Variants in A2ML1 observed in about 807,000 individuals in gnomAD.
A2ML1 encodes the protein alpha-2-macroglobulin like 1, also known as alpha-2-macroglobulin-like protein 1.
A2ML1 carries 161 observed loss-of-function variants against 181.9 expected under a neutral mutation model. The observed-to-expected ratio is 0.89, with a 90% CI of 0.78 to 1.01. A2ML1 has a LOEUF of 1.01. Ranked by LOEUF, A2ML1 falls within the 50% of genes least tolerant of loss-of-function variation. The pLI, the probability that A2ML1 is intolerant of heterozygous loss-of-function variation, is 0.00. For missense variants in A2ML1, 1,670 were observed against 1,768.1 expected, an observed-to-expected ratio of 0.94 and a Z score of 1.00; for synonymous variants, 663 against 666.8, an observed-to-expected ratio of 0.99 and a Z score of 0.09.
intron 23 of A2ML1, 146 bp downstream of exon 23, chr12:8,855,738 G>A: frequency 8.5e-6 from 6 of 704,538 alleles, no homozygotes; most frequent in Non-Finnish European, 1.4e-5. Context: ...TATATAGGAG[G>A]GAAATACAGT....
chr12:8,832,717 C>A (rs951924527), intron 4 of A2ML1, among the ~76,000 whole-genome samples: 3 of 152,136 alleles, frequency 2.0e-5, no homozygotes, highest in Admixed American at 2.0e-4. Flanking sequence ...CTTCTTCCTG[C>A]TGAGAGGGGG....
chr12:8,829,814 A>C, intron 4 of A2ML1, 35 bp downstream of exon 4: 1 of 1,612,898 alleles, frequency 6.2e-7, no homozygotes, highest in Non-Finnish European at 8.5e-7. Context: ...TGGCGCAGGG[A>C]GAACAGGGAA....
In A2ML1 at chr12:8,838,470, G is replaced by T; in HGVS notation, c.970+20G>T. 6.3e-7 allele frequency: 1 copy of T among 1,588,304 alleles called. No individual in the cohort carries two copies. Among genetic ancestry groups the T allele is most frequent in the Non-Finnish European group, 8.6e-7 (1 of 1,161,328 alleles). ...GGACAGGTAAGTAGGGTGCTCCTTG[G>T]CTCATTAAGAAAAGAGAAAGAAAAA... On this transcript the variant is annotated intron_variant, in intron 9 of 35. Coordinates refer to ENST00000299698, the MANE Select transcript of A2ML1 (RefSeq NM_144670.6).
chr12:8,886,379 G>A (rs1016951403), intron 7 of A2ML1: 49 of 152,066 alleles, frequency 3.2e-4, no homozygotes, highest in Admixed American at 2.2e-3. Context: ...TAATTCCTAG[G>A]CAGTTGGTTC....
At position 8,849,764 on chromosome 12, in the gene A2ML1, G is replaced by C; in HGVS notation, c.2119+5G>C. 6.2e-7 allele frequency: 1 copy of C among 1,613,134 alleles called. No homozygotes were observed. Among genetic ancestry groups the C allele is most frequent in the African/African-American group, 1.3e-5 (1 of 75,038 alleles). Reference sequence around the variant, plus strand: ...AATACAGCACTGCTATGGGTGGTAAGCCACCTCTGTGGTCTGTGGATTCTC... The same window carrying C: ...AATACAGCACTGCTATGGGTGGTAACCCACCTCTGTGGTCTGTGGATTCTC... On this transcript the variant is annotated splice_donor_5th_base_variant and intron_variant, in intron 17 of 35. Transcript: ENST00000299698.
At chr12:8,865,666 T>C (rs911803118) in intron 29 of A2ML1, among the ~76,000 whole-genome samples, 1 of 152,226 alleles carries the variant, frequency 6.6e-6, no homozygotes, top group Non-Finnish European at 1.5e-5. Context: ...AGGAGACTGT[T>C]TCCTTTATCT....
intron 33 of A2ML1, among the ~76,000 whole-genome samples, chr12:8,872,708 T>C (rs1944667506): frequency 6.7e-6 from 1 of 148,402 alleles, no homozygotes; most frequent in Non-Finnish European, 1.5e-5. Context: ...CGCCTGAACC[T>C]GGCAGGCAGA....
intron 10 of A2ML1, among the ~76,000 whole-genome samples, chr12:8,841,021 A>AGGAAGGAAGGAAGGAAGGAAGGAC (rs1592119843): frequency 5.6e-4 from 69 of 122,952 alleles, no homozygotes; most frequent in African/African-American, 9.6e-4. Flanking sequence ...GACGGAAGGA[A>AGGAAGGAAGGAAGGAAGGAAGGAC]GGAAGGAAGG....
intron 8 of A2ML1, 27 bp downstream of exon 8, chr12:8,837,593 A>G (rs1176219715): frequency 6.3e-7 from 1 of 1,596,038 alleles, no homozygotes; most frequent in Non-Finnish European, 8.6e-7. Context: ...TTAAAAAGGA[A>G]CCTATCGGCC....
Position 8,822,651 on chromosome 12 carries a change from G to T in A2ML1, c.-1G>T. On this transcript the variant is annotated 5_prime_UTR_variant, in exon 1 of 36. Transcript: ENST00000299698. ...TGGAAAAATCTGTCTCACCCACAAA[G>T]ATGTGGGCTCAGCTCCTTCTAGGAA... is the stretch of plus-strand genomic sequence containing the variant. 2 of 1,613,988 alleles carry T rather than the reference G, an allele frequency of 1.2e-6. No homozygotes were observed. The highest frequency in any genetic ancestry group is 1.7e-6 in the Non-Finnish European group (2 of 1,179,846).
At chr12:8,862,989 T>C (rs1226562949) in intron 28 of A2ML1, among the ~76,000 whole-genome samples, 2 of 152,242 alleles carry the variant, frequency 1.3e-5, no homozygotes, top group African/African-American at 2.4e-5. Context: ...GGTCTCATTC[T>C]ATTGGACTGC....
Position 8,861,278 on chromosome 12 carries a change from T to C in A2ML1, c.3483T>C (p.Asp1161=). 1.2e-6 allele frequency: 2 copies of C among 1,614,092 alleles called. No individual in the cohort carries two copies. Among genetic ancestry groups the C allele is most frequent in the Non-Finnish European group, 8.5e-7 (1 of 1,180,028 alleles). The change falls in exon 28 of 36, where the codon GAT becomes GAC. Residue 1161 remains aspartate (D), a synonymous_variant. Coordinates refer to ENST00000299698, the MANE Select transcript of A2ML1 (RefSeq NM_144670.6). ...DIRNILLKQL[D]QQAIISGESI... is the part of the protein sequence containing the mutation. ...GAAACATTCTCCTTAAACAGTTAGA[T>C]CAACAGGCTATCATCTCAGGTATGT... is the stretch of plus-strand genomic sequence containing the variant.
chr12:8,829,820 G>T (rs768808891), intron 4 of A2ML1, 41 bp downstream of exon 4: 1 of 1,611,972 alleles, frequency 6.2e-7, no homozygotes, highest in East Asian at 2.2e-5. Context: ...AGGGAGAACA[G>T]GGAAAAGGAT....
At chr12:8,824,664 T>C (rs1173784169) in intron 3 of A2ML1, among the ~76,000 whole-genome samples, 2 of 149,942 alleles carry the variant, frequency 1.3e-5, no homozygotes, top group African/African-American at 4.9e-5. Context: ...CTGCCCACCA[T>C]TACCCTTCCC....
intron 11 of A2ML1, among the ~76,000 whole-genome samples, chr12:8,842,785 G>A (rs1296218077): frequency 6.6e-6 from 1 of 152,116 alleles, no homozygotes; most frequent in Non-Finnish European, 1.5e-5. Flanking sequence ...TGTCTTCTGT[G>A]CCTAGTTTTC....
chr12:8,827,663 C>T (rs1942973749), intron 3 of A2ML1, among the ~76,000 whole-genome samples: 2 of 152,128 alleles, frequency 1.3e-5, no homozygotes, highest in Non-Finnish European at 2.9e-5. Context: ...TGTGGATGTT[C>T]ATTGGTGTCT....
At chr12:8,837,368 TG>T in intron 7 of A2ML1, 71 bp from the exon 8 acceptor site, 1 of 1,575,170 alleles carries the variant, frequency 6.3e-7, no homozygotes, top group Non-Finnish European at 8.7e-7. Flanking sequence ...AGGGAAGAAG[TG>T]GTGTTTGAGG....
chr12:8,825,773 A>G (rs1424147732), intron 3 of A2ML1, among the ~76,000 whole-genome samples: 1 of 152,188 alleles, frequency 6.6e-6, no homozygotes, highest in Admixed American at 6.5e-5. Flanking sequence ...TGATTTTTCT[A>G]TATGGAGAGA....
At chr12:8,884,255 T>A (rs762817292) in intron 7 of A2ML1, among the ~76,000 whole-genome samples, 3 of 148,992 alleles carry the variant, frequency 2.0e-5, no homozygotes, top group Non-Finnish European at 3.0e-5. Flanking sequence ...TGTTTTTTTT[T>A]AACTATTTTC....
Sources: gnomAD v4.1 joint callset for allele counts (sites outside exome capture counted in the v4.1 genomes callset) on GRCh38, gnomAD v4.1.1 for gene constraint, MANE v1.5 for transcripts, NCBI Gene and HGNC (gene_info 2026-07-23, HGNC 2026-07-21) for gene names.